Variants in ZNF608 observed in about 807,000 individuals in gnomAD.
ZNF608 encodes the protein renal carcinoma antigen NY-REN-36.
Under a neutral mutation model 109.0 loss-of-function variants are expected in ZNF608, and 12 were observed. The observed-to-expected ratio is 0.11, with a 90% CI of 0.07 to 0.18. The LOEUF (loss-of-function observed/expected upper bound fraction) is 0.18. Among genes scored for constraint, ZNF608 ranks in the 10% least tolerant of loss-of-function variants. ZNF608 has a pLI of 1.00. For missense variants in ZNF608, 1,707 were observed against 1,879.3 expected, an observed-to-expected ratio of 0.91 and a Z score of 1.70; for synonymous variants, 732 against 717.4, an observed-to-expected ratio of 1.02 and a Z score of -0.33.
chr5:124,648,440 T>C lies in ZNF608; in HGVS notation c.1944A>G (p.Pro648=), dbSNP rs1018123050. The C allele has an allele frequency of 3.7e-6, 6 of 1,614,082 alleles. No homozygotes were observed. The African/African-American group carries it at 5.3e-5, about 14-fold the overall frequency. The stretch of plus-strand genomic sequence containing the variant: ...CAGCTTTAGCACCAATAATGGAACC[T>C]GGGCCATTGCTCATCAGCTCTCTCT... The part of the protein sequence containing the change: ...KGKRELMSNG[P]GSIIGAKAGK... The change falls in exon 5 of 10, where the codon CCA becomes CCG. Residue 648 remains proline (P), a synonymous_variant. Coordinates refer to ENST00000513986, the MANE Select transcript of ZNF608 (RefSeq NM_020747.3).
At chr5:124,737,657 A>AC (rs1387762598) in intron 2 of ZNF608, among the ~76,000 whole-genome samples, 1 of 152,140 alleles carries the variant, frequency 6.6e-6, no homozygotes, top group African/African-American at 2.4e-5. Flanking sequence ...TTAAGGCAAA[A>AC]CCCATCATCT....
At chr5:124,715,077 AC>A (rs1753639076) in intron 2 of ZNF608, among the ~76,000 whole-genome samples, 1 of 152,308 alleles carries the variant, frequency 6.6e-6, no homozygotes, top group Admixed American at 6.5e-5. Flanking sequence ...TCATAGGGGT[AC>A]TTCAAGAATC....
Position 124,644,607 on chromosome 5 carries a change from G to C in ZNF608, c.3760C>G (p.Gln1254Glu), listed in dbSNP as rs1438829921. ...CTATCAAGTTCTTCTGACTTTTGCT[G>C]ATCCAGATATTTGGGCTGGTATACA... ...HYVYQPKYLD[Q>E]QKSEELDREK... is the part of the protein sequence containing the mutation. The change falls in exon 6 of 10, where the codon CAG (glutamine) becomes GAG (glutamate). Residue 1254 changes from glutamine to glutamate, a missense_variant. Physicochemically the swap from Gln to Glu is conservative, Grantham distance 29. Transcript: ENST00000513986. 1 of 1,610,434 alleles carries C rather than the reference G, an allele frequency of 6.2e-7. No individual in the cohort carries two copies. The highest frequency in any genetic ancestry group is 2.2e-5 in the East Asian group (1 of 44,850).
At position 124,698,476 on chromosome 5, in the gene ZNF608, G is replaced by A. The variant is rs186413757; in HGVS notation, c.1162+2538C>T. Among the ~76,000 whole-genome samples, 3 of 152,248 alleles carry A rather than the reference G, an allele frequency of 2.0e-5. No homozygotes were observed. In the East Asian group the frequency reaches 5.8e-4, roughly 29 times the overall value. On this transcript the variant is annotated intron_variant, in intron 3 of 9. Transcript: ENST00000513986. ...TAAACATCCACACATTCCAAATCCT[G>A]GAAAATGTGAGGCAGTAAAGAGAAG...
At chr5:124,711,611 G>A (rs894678351) in intron 2 of ZNF608, among the ~76,000 whole-genome samples, 18 of 152,174 alleles carry the variant, frequency 1.2e-4, no homozygotes, top group Non-Finnish European at 1.6e-4. Flanking sequence ...CGTTTAAGCC[G>A]CCTCACTGTT....
intron 3 of ZNF608, among the ~76,000 whole-genome samples, chr5:124,676,930 G>A (rs1751969055): frequency 1.3e-5 from 2 of 152,172 alleles, no homozygotes; most frequent in Admixed American, 6.5e-5. Flanking sequence ...CGGCTATGTA[G>A]GGAGGGCAAC....
At chr5:124,679,405 T>TTCCTTCCTTCTTTTCC (rs1752094699) in intron 3 of ZNF608, among the ~76,000 whole-genome samples, 2 of 150,830 alleles carry the variant, frequency 1.3e-5, no homozygotes, top group Non-Finnish European at 3.0e-5. Flanking sequence ...CTTTCCTTTC[T>TTCCTTCCTTCTTTTCC]TCCTTCCTTC....
chr5:124,670,337 CT>C (rs1198466581), intron 3 of ZNF608, among the ~76,000 whole-genome samples: 98 of 144,282 alleles, frequency 6.8e-4, no homozygotes, highest in African/African-American at 7.0e-4. Context: ...TTCTTTCTTT[CT>C]TTTTTTTTTT....
At chr5:124,716,964 C>A (rs1427262372) in intron 2 of ZNF608, among the ~76,000 whole-genome samples, 1 of 151,936 alleles carries the variant, frequency 6.6e-6, no homozygotes, top group Non-Finnish European at 1.5e-5. Flanking sequence ...TGCCTATAAT[C>A]CCAGCTACTC....
In ZNF608 at chr5:124,647,949, T is replaced by C. The variant is rs1750606800; in HGVS notation, c.2435A>G (p.Lys812Arg). The C allele has an allele frequency of 2.5e-6, 4 of 1,614,004 alleles. No individual in the cohort carries two copies. The highest frequency in any genetic ancestry group is 1.7e-5 in the Admixed American group (1 of 59,978). The change falls in exon 5 of 10, where the codon AAG (lysine) becomes AGG (arginine). Residue 812 changes from lysine (K) to arginine (R), a missense_variant. Transcript: ENST00000513986. ...NPALVSLKDK[K>R]KKEKRKLKDK... ...CTTTAGCTTTCGCTTCTCCTTTTTC[T>C]TTTTGTCTTTGAGTGACACCAGAGC... is the stretch of plus-strand genomic sequence containing the variant.
At chr5:124,640,823 C>T (rs1427668475) in intron 8 of ZNF608, among the ~76,000 whole-genome samples, 1 of 152,222 alleles carries the variant, frequency 6.6e-6, no homozygotes, top group Non-Finnish European at 1.5e-5. Flanking sequence ...AACCTGATCA[C>T]ATTACTCCCA....
intron 2 of ZNF608, chr5:124,710,079 A>G: frequency 2.9e-6 from 1 of 346,522 alleles, no homozygotes; most frequent in South Asian, 2.3e-5. Flanking sequence ...CATGTATCTT[A>G]GTTGATATTG....
intron 3 of ZNF608, among the ~76,000 whole-genome samples, chr5:124,672,721 G>A (rs988399521): frequency 6.6e-6 from 1 of 152,152 alleles, no homozygotes; most frequent in Non-Finnish European, 1.5e-5. Context: ...AGCTAAACCA[G>A]GGGAAAAGTG....
intron 1 of ZNF608, among the ~76,000 whole-genome samples, chr5:124,745,593 T>G (rs542129815): frequency 6.6e-6 from 1 of 152,294 alleles, no homozygotes; most frequent in South Asian, 2.1e-4. Flanking sequence ...TCCCTAAACA[T>G]GTCCTAGATC....
intron 3 of ZNF608, among the ~76,000 whole-genome samples, chr5:124,681,716 C>G (rs146447474): frequency 6.6e-6 from 1 of 152,304 alleles, no homozygotes; most frequent in Non-Finnish European, 1.5e-5. Flanking sequence ...GCTACTCACT[C>G]TAGCCTAGGT....
intron 2 of ZNF608, among the ~76,000 whole-genome samples, chr5:124,715,814 C>T (rs1023994062): frequency 6.6e-6 from 1 of 152,262 alleles, no homozygotes; most frequent in East Asian, 1.9e-4. Flanking sequence ...TACTCCATAA[C>T]TTTTAATGCA....
rs180700508 is a variant in ZNF608 at position 124,681,177 on chromosome 5, G to C, written c.1162+19837C>G. ...GATTAAAAAAAGAATCCCAGGCCAG[G>C]TGCGGTGGCTCACGCCTGTAATCCC... is the stretch of plus-strand genomic sequence containing the variant. On this transcript the variant is annotated intron_variant, in intron 3 of 9. Coordinates refer to ENST00000513986, the MANE Select transcript of ZNF608 (RefSeq NM_020747.3). 1.0e-3 allele frequency among the ~76,000 whole-genome samples: 155 copies of C among 152,326 alleles called. 1 individual carries two copies. Among genetic ancestry groups the C allele is most frequent in the African/African-American group, 3.6e-3 (148 of 41,572 alleles).
chr5:124,687,715 T>C (rs1752461295), intron 3 of ZNF608, among the ~76,000 whole-genome samples: 1 of 152,192 alleles, frequency 6.6e-6, no homozygotes, highest in African/African-American at 2.4e-5. Flanking sequence ...ACTTCTGTCA[T>C]ATTATAGTTC....
At chr5:124,656,562 G>C (rs1043943380) in intron 3 of ZNF608, among the ~76,000 whole-genome samples, 3 of 151,868 alleles carry the variant, frequency 2.0e-5, no homozygotes, top group Non-Finnish European at 4.4e-5. Flanking sequence ...CTTGTTTTTG[G>C]TTCATCTAAA....
Sources: allele counts gnomAD v4.1 joint callset (sites outside exome capture counted in the v4.1 genomes callset), GRCh38; gene constraint gnomAD v4.1.1; transcripts MANE v1.5; gene names NCBI Gene and HGNC (gene_info 2026-07-23, HGNC 2026-07-21).